MIAT: variants seen among roughly 807,000 people sequenced by gnomAD.
The protein encoded by MIAT is myocardial infarction associated transcript, also known as MI related novel mRNA.
downstream of MIAT, chr22:26,671,321 C>T (rs539743697): frequency 4.3e-5 from 17 of 398,636 alleles, no homozygotes; most frequent in Admixed American, 5.3e-4. Context: ...GTTAGACCCC[C>T]TGCCCTGGTC....
intron 2 of MIAT, among the ~76,000 whole-genome samples, chr22:26,653,963 ACTCTTGAC>A (rs1930380719): frequency 6.6e-6 from 1 of 152,026 alleles, no homozygotes; most frequent in Non-Finnish European, 1.5e-5. Context: ...CTGGTCTCAA[ACTCTTGAC>A]CTCAGGTGAT....
At chr22:26,668,582 T>G (rs1810587711) in exon 6 of MIAT, 1 of 398,734 alleles carries the variant, frequency 2.5e-6, no homozygotes, top group Non-Finnish European at 4.4e-6. Flanking sequence ...GACCACACTT[T>G]CCCCAAGGCT....
At chr22:26,654,783 C>T (rs1426405862) in intron 2 of MIAT, among the ~76,000 whole-genome samples, 3 of 152,098 alleles carry the variant, frequency 2.0e-5, no homozygotes, top group Admixed American at 6.5e-5. Flanking sequence ...GTGATCTTGG[C>T]TCACTGCAAG....
At chr22:26,656,757 C>T (rs927635158) in intron 2 of MIAT, among the ~76,000 whole-genome samples, 3 of 151,000 alleles carry the variant, frequency 2.0e-5, no homozygotes, top group African/African-American at 7.3e-5. Context: ...AAGACTAATC[C>T]GGGCGCGGTG....
exon 4 of MIAT, chr22:26,666,491 A>AG: frequency 2.5e-6 from 1 of 398,676 alleles, no homozygotes; most frequent in Non-Finnish European, 4.4e-6. Flanking sequence ...CAAGGCAGGA[A>AG]GGGTTCCAGG....
At chr22:26,665,434 C>G (rs998726824) in intron 3 of MIAT, 3 of 398,566 alleles carry the variant, frequency 7.5e-6, no homozygotes, top group African/African-American at 6.2e-5. Context: ...ACCTCCATCA[C>G]CTTATTAATA....
At chr22:26,647,535 T>G (rs184970686) in intron 2 of MIAT, among the ~76,000 whole-genome samples, 2 of 152,166 alleles carry the variant, frequency 1.3e-5, no homozygotes, top group East Asian at 3.9e-4. Context: ...GAAGGTTCCC[T>G]GAAGACCATG....
At position 26,665,519 on chromosome 22, in the gene MIAT, G is replaced by C. The variant is rs566341721; in HGVS notation, n.730-12G>C. 1.3e-5 allele frequency: 5 copies of C among 398,712 alleles called. No individual in the cohort carries two copies. The East Asian group carries it at 1.4e-4, about 11-fold the overall frequency. 24.7% of individuals were successfully genotyped at this position (398,712 alleles called of 1,614,324 possible). A position where few individuals can be genotyped will look rare whatever the true frequency, so the allele number is the denominator to read the frequency against. On this transcript the variant is annotated splice_polypyrimidine_tract_variant and intron_variant and non_coding_transcript_variant, in intron 3 of 5. Coordinates refer to ENST00000643270, the Ensembl canonical transcript of MIAT. ...GCCAGGCTCCTCTGAGCAGTCCAGG[G>C]TCTATTTACAGAGAGCAGCAAGTTC...
chr22:26,646,929 GA>G (rs1930244399), exon 1 of MIAT: 1 of 398,546 alleles, frequency 2.5e-6, no homozygotes, highest in Non-Finnish European at 4.4e-6. Flanking sequence ...AGCAAGAGAT[GA>G]AGACGGCATC....
intron 5 of MIAT, chr22:26,667,660 T>C: frequency 4.9e-6 from 1 of 203,318 alleles, no homozygotes; most frequent in Non-Finnish European, 9.8e-6. Flanking sequence ...CTTTCATTGC[T>C]TCCTCTTTTT....
intron 2 of MIAT, among the ~76,000 whole-genome samples, chr22:26,652,958 G>A (rs142982438): frequency 2.2e-4 from 34 of 152,242 alleles, no homozygotes; most frequent in East Asian, 7.7e-4. Flanking sequence ...TTACCATCTC[G>A]GGGCTTGCTC....
chr22:26,648,605 A>G (rs1930281255), intron 2 of MIAT, among the ~76,000 whole-genome samples: 1 of 151,632 alleles, frequency 6.6e-6, no homozygotes. Flanking sequence ...GACTCCATAA[A>G]GTAGAGGATA....
intron 2 of MIAT, among the ~76,000 whole-genome samples, chr22:26,658,653 G>A (rs1376277510): frequency 6.6e-6 from 1 of 152,196 alleles, no homozygotes; most frequent in Non-Finnish European, 1.5e-5. Context: ...GGCCTGGGGG[G>A]CGCGCCCTGG....
At chr22:26,652,085 C>G (rs1443141451) in intron 2 of MIAT, among the ~76,000 whole-genome samples, 1 of 152,196 alleles carries the variant, frequency 6.6e-6, no homozygotes, top group Non-Finnish European at 1.5e-5. Context: ...CCTCTAACGC[C>G]TAGGCTCAAG....
At chr22:26,671,271 T>C, downstream of MIAT, 2 of 398,558 alleles carry the variant, frequency 5.0e-6, no homozygotes, top group Middle Eastern at 6.3e-4. Flanking sequence ...GCAGGGTCCA[T>C]GTGGTTAGGG....
rs573124613 is a variant in MIAT at position 26,663,035 on chromosome 22, CTG to C, written n.647-280_647-279del. Among the ~76,000 whole-genome samples, 76 of 152,330 alleles carry C rather than the reference CTG, an allele frequency of 5.0e-4. 1 individual carries two copies. In the Middle Eastern group the frequency reaches 0.024, roughly 48 times the overall value. On this transcript the variant is annotated intron_variant and non_coding_transcript_variant, in intron 2 of 5. Coordinates refer to ENST00000643270, the Ensembl canonical transcript of MIAT. ...TATCCTTAGTTTGTGGATGAGAAGA[CTG>C]AGGTTCACTGTGGTAAAGGACTTGG...
chr22:26,657,516 A>G, intron 2 of MIAT: 1 of 398,652 alleles, frequency 2.5e-6, no homozygotes, highest in African/African-American at 2.1e-5. Flanking sequence ...CGCTCGCGGG[A>G]CCAGAGGGAG....
At chr22:26,662,652 C>T (rs1255824930) in intron 2 of MIAT, among the ~76,000 whole-genome samples, 3 of 152,218 alleles carry the variant, frequency 2.0e-5, no homozygotes, top group Non-Finnish European at 2.9e-5. Flanking sequence ...TTTCATTATT[C>T]TCTGGAGCTT....
downstream of MIAT, chr22:26,672,242 T>C (rs950105709): frequency 5.0e-6 from 2 of 399,024 alleles, no homozygotes; most frequent in African/African-American, 4.1e-5. Context: ...CCTGCCGAGC[T>C]CTGGGCTCCC....
Sources: gnomAD v4.1 joint callset for allele counts (sites outside exome capture counted in the v4.1 genomes callset) on GRCh38, gnomAD v4.1.1 for gene constraint, MANE v1.5 for transcripts, NCBI Gene and HGNC (gene_info 2026-07-23, HGNC 2026-07-21) for gene names.